The following SEMA4D variants were observed in gnomAD, a reference collection of about 807,000 sequenced individuals.
The protein encoded by SEMA4D is semaphorin-4D.
In SEMA4D, 22 loss-of-function variants were observed where a neutral mutation model predicts 74.8. The ratio of observed to expected loss-of-function variants is 0.29; its 90% CI spans 0.21 to 0.42. The LOEUF (loss-of-function observed/expected upper bound fraction) is 0.42, where lower values mean the gene tolerates loss of function less well. Among genes scored for constraint, SEMA4D ranks in the 10% least tolerant of loss-of-function variants. SEMA4D has a pLI of 1.00. For missense variants in SEMA4D, 937 were observed against 1,118.4 expected (o/e 0.84, Z 2.31); for synonymous variants, 445 against 463.7 (o/e 0.96, Z 0.52).
At chr9:89,387,760 T>A (rs774192809) in intron 11 of SEMA4D, 152 bp from the exon 12 acceptor site, 2 of 650,170 alleles carry the variant, frequency 3.1e-6, no homozygotes, top group Non-Finnish European at 5.4e-6. Flanking sequence ...AACTTTACTA[T>A]GAGGAAAGGT....
chr9:89,380,074 C>G (rs530413017), intron 15 of SEMA4D, among the ~76,000 whole-genome samples: 6 of 152,264 alleles, frequency 3.9e-5, no homozygotes, highest in African/African-American at 1.4e-4. Context: ...GCTCTGTTGC[C>G]CAGGCTGGAG....
At position 89,388,713 on chromosome 9, in the gene SEMA4D, G is replaced by C. The variant is rs760675519; in HGVS notation, c.1030C>G (p.Gln344Glu). 8.7e-6 allele frequency: 14 copies of C among 1,610,508 alleles called. No individual in the cohort carries two copies. Among genetic ancestry groups the C allele is most frequent in the African/African-American group, 1.3e-5 (1 of 74,880 alleles). The change falls in exon 11 of 16, where the codon CAG becomes GAG. Residue 344 changes from glutamine to glutamate, a missense_variant. Physicochemically the swap from Gln to Glu is conservative, Grantham distance 29. Coordinates refer to ENST00000422704, the MANE Select transcript of SEMA4D (RefSeq NM_001371194.2). Reference protein sequence around the residue: ...EEVFSHGKYMQSTTVEQSHTK... With the variant: ...EEVFSHGKYMESTTVEQSHTK... ...TGGGACTGCTCCACTGTGGTGCTCTGCATGTACTTCCCGTGGGAGAAGACC... is the reference window on the plus strand; with the variant it reads ...TGGGACTGCTCCACTGTGGTGCTCTCCATGTACTTCCCGTGGGAGAAGACC...
chr9:89,437,863 TG>T (rs545974690), intron 2 of SEMA4D, among the ~76,000 whole-genome samples: 308 of 152,344 alleles, frequency 2.0e-3, no homozygotes, highest in Admixed American at 4.1e-3. Context: ...GGGACATGCT[TG>T]AACCCAGATA....
At chr9:89,454,382 G>A (rs1453478535) in intron 2 of SEMA4D, among the ~76,000 whole-genome samples, 1 of 152,160 alleles carries the variant, frequency 6.6e-6, no homozygotes, top group Non-Finnish European at 1.5e-5. Context: ...ACGTGGCTGA[G>A]GCTCCCCTAG....
intron 2 of SEMA4D, among the ~76,000 whole-genome samples, chr9:89,408,623 C>T (rs984112440): frequency 1.3e-5 from 2 of 152,182 alleles, no homozygotes; most frequent in East Asian, 1.9e-4. Flanking sequence ...GAGGACTGCA[C>T]ACTCGCATTG....
intron 11 of SEMA4D, 116 bp downstream of exon 11, chr9:89,388,518 CAG>C (rs1162643568): frequency 7.8e-7 from 1 of 1,277,708 alleles, no homozygotes; most frequent in Admixed American, 2.9e-5. Context: ...TGTCCCAATG[CAG>C]AGAGCCTTGG....
chr9:89,371,418 TGTGTCTGGG>T (rs1834733496), intron 16 of SEMA4D, among the ~76,000 whole-genome samples: 1 of 79,060 alleles, frequency 1.3e-5, no homozygotes, highest in South Asian at 5.1e-4. Context: ...GGGTGTGGTG[TGTGTCTGGG>T]GTGTGTGTGT....
chr9:89,386,335 A>T lies in SEMA4D; in HGVS notation c.1446+32T>A. On this transcript the variant is annotated intron_variant, in intron 13 of 15. Transcript: ENST00000422704. Reference sequence around the variant, plus strand: ...TAGAATCAAAGCCACCGAGCGGAGAAGCCCCCGGTCCAGCTGCCTGCGTCA... The same window carrying T: ...TAGAATCAAAGCCACCGAGCGGAGATGCCCCCGGTCCAGCTGCCTGCGTCA... 2.0e-6 allele frequency: 3 copies of T among 1,514,762 alleles called. 1 individual carries two copies. The highest frequency in any genetic ancestry group is 2.3e-5 in the South Asian group (2 of 87,608). 93.8% of individuals were successfully genotyped at this position (1,514,762 alleles called of 1,614,324 possible).
At position 89,379,544 on chromosome 9, in the gene SEMA4D, G is replaced by C; in HGVS notation, c.1749C>G (p.Ala583=). Residue 583 remains alanine (A), a synonymous_variant, in exon 16 of 16, where the codon GCC becomes GCG. Transcript: ENST00000422704. ...CATTCTGGAACTTCCAAAAGACCCG[G>C]GCCAGGTTGGATTTTTGGGAGCATT... ...ELKCSQKSNL[A]RVFWKFQNGV... 1.2e-6 allele frequency: 2 copies of C among 1,614,112 alleles called. No individual in the cohort carries two copies. Among genetic ancestry groups the C allele is most frequent in the South Asian group, 1.1e-5 (1 of 91,074 alleles).
chr9:89,370,743 G>A (rs1481020025), intron 16 of SEMA4D, among the ~76,000 whole-genome samples: 2 of 142,234 alleles, frequency 1.4e-5, no homozygotes, highest in Non-Finnish European at 3.1e-5. Context: ...TGGTGTGTGT[G>A]TGGGGTGTGG....
At chr9:89,376,842 G>A (rs1233577450), downstream of SEMA4D, 1 of 1,548,808 alleles carries the variant, frequency 6.5e-7, no homozygotes, top group Non-Finnish European at 8.7e-7. Context: ...CCTGTGGCCT[G>A]GCAGAAGAGG....
At chr9:89,462,179 G>A (rs2135724167) in intron 1 of SEMA4D, among the ~76,000 whole-genome samples, 1 of 152,324 alleles carries the variant, frequency 6.6e-6, no homozygotes, top group East Asian at 1.9e-4. Context: ...GCCCAGGGTG[G>A]TCTGCACACC....
chr9:89,471,575 T>G (rs1456190742), intron 1 of SEMA4D, among the ~76,000 whole-genome samples: 1 of 152,196 alleles, frequency 6.6e-6, no homozygotes, highest in African/African-American at 2.4e-5. Context: ...CTGGCTCAGG[T>G]GCATGCCGGC....
At chr9:89,486,162 G>A (rs780027927) in intron 1 of SEMA4D, among the ~76,000 whole-genome samples, 4 of 152,156 alleles carry the variant, frequency 2.6e-5, no homozygotes, top group African/African-American at 4.8e-5. Context: ...TTACTCCTGA[G>A]ACATCGATCT....
chr9:89,467,967 G>A (rs1262291749), intron 1 of SEMA4D, among the ~76,000 whole-genome samples: 5 of 152,194 alleles, frequency 3.3e-5, no homozygotes, highest in African/African-American at 1.2e-4. Context: ...GAGGTGCTTA[G>A]CCAGCTGTTT....
intron 2 of SEMA4D, among the ~76,000 whole-genome samples, chr9:89,455,415 A>G (rs545118461): frequency 8.5e-5 from 13 of 152,322 alleles, no homozygotes; most frequent in African/African-American, 2.6e-4. Flanking sequence ...GAAGAGAAGC[A>G]ACTGCCCACC....
intron 2 of SEMA4D, chr9:89,418,467 T>A: frequency 1.0e-6 from 1 of 957,792 alleles, no homozygotes; most frequent in Non-Finnish European, 1.2e-6. Flanking sequence ...TATCTAATTG[T>A]CTATTAGCTC....
At chr9:89,390,011 G>A (rs1478917158) in intron 9 of SEMA4D, among the ~76,000 whole-genome samples, 1 of 152,148 alleles carries the variant, frequency 6.6e-6, no homozygotes, top group Non-Finnish European at 1.5e-5. Context: ...AAAAAAAAGG[G>A]ATCAGAGGGG....
intron 1 of SEMA4D, 96 bp downstream of exon 1, chr9:89,497,823 G>A (rs1441070889): frequency 6.6e-6 from 1 of 151,390 alleles, no homozygotes; most frequent in Non-Finnish European, 1.5e-5. Context: ...GGAGCCTAGG[G>A]GTGTGGAGTG....
Sources: allele counts gnomAD v4.1 joint callset (sites outside exome capture counted in the v4.1 genomes callset), GRCh38; gene constraint gnomAD v4.1.1; transcripts MANE v1.5; gene names NCBI Gene and HGNC (gene_info 2026-07-23, HGNC 2026-07-21).